Variants in CBFA2T2 observed in about 807,000 individuals in gnomAD.
The protein encoded by CBFA2T2 is CBFA2/RUNX1 partner transcriptional co-repressor 2, also known as protein CBFA2T2.
CBFA2T2 carries 11 observed loss-of-function variants against 62.2 expected under a neutral mutation model. The observed-to-expected ratio is 0.18, with a 90% CI of 0.11 to 0.29. The LOEUF is 0.29. Among genes scored for constraint, CBFA2T2 ranks in the 10% least tolerant of loss-of-function variants. The pLI, the probability that CBFA2T2 is intolerant of heterozygous loss-of-function variation, is 1.00. For missense variants in CBFA2T2, 592 were observed against 774.1 expected, an observed-to-expected ratio of 0.76 and a Z score of 2.79; for synonymous variants, 295 against 287.5, an observed-to-expected ratio of 1.03 and a Z score of -0.27.
At chr20:33,633,122 G>A (rs527243860) in intron 8 of CBFA2T2, among the ~76,000 whole-genome samples, 2 of 151,788 alleles carry the variant, frequency 1.3e-5, no homozygotes, top group Admixed American at 6.6e-5. Context: ...TGTAATCCCC[G>A]CACTTTGGGA....
intron 1 of CBFA2T2, among the ~76,000 whole-genome samples, chr20:33,516,635 G>A (rs944863357): frequency 3.3e-5 from 5 of 152,232 alleles, no homozygotes; most frequent in African/African-American, 1.2e-4. Context: ...ACCATGCCCA[G>A]CCAAGACATT....
chr20:33,515,640 A>G (rs1283466098), intron 1 of CBFA2T2, among the ~76,000 whole-genome samples: 3 of 151,664 alleles, frequency 2.0e-5, no homozygotes, highest in Non-Finnish European at 4.4e-5. Flanking sequence ...TGTCTCTACT[A>G]AAAATACAAA....
chr20:33,504,070 T>G (rs1179498294), intron 1 of CBFA2T2, among the ~76,000 whole-genome samples: 1 of 152,166 alleles, frequency 6.6e-6, no homozygotes. Context: ...TGGGGGTTTT[T>G]GTTTGCTTGT....
intron 1 of CBFA2T2, among the ~76,000 whole-genome samples, chr20:33,508,187 C>T (rs373016508): frequency 1.1e-4 from 17 of 152,142 alleles, no homozygotes; most frequent in African/African-American, 3.1e-4. Context: ...CTCCGCCTCC[C>T]GGGTTTAAGT....
At chr20:33,641,114 G>T (rs1001979559) in intron 10 of CBFA2T2, among the ~76,000 whole-genome samples, 1 of 151,718 alleles carries the variant, frequency 6.6e-6, no homozygotes, top group Non-Finnish European at 1.5e-5. Context: ...CTCACTGCAA[G>T]CTCCACCTCC....
chr20:33,507,197 G>C (rs1241079352), intron 1 of CBFA2T2, among the ~76,000 whole-genome samples: 2 of 152,174 alleles, frequency 1.3e-5, no homozygotes, highest in Non-Finnish European at 2.9e-5. Flanking sequence ...CTTGATTTCA[G>C]ATATTTACTT....
chr20:33,515,752 G>A (rs1431802108), intron 1 of CBFA2T2, among the ~76,000 whole-genome samples: 1 of 120,162 alleles, frequency 8.3e-6, no homozygotes, highest in Non-Finnish European at 1.6e-5. Flanking sequence ...AGTGAGCCGA[G>A]ATTGTGCCAT....
intron 1 of CBFA2T2, among the ~76,000 whole-genome samples, chr20:33,583,775 G>A (rs1433497242): frequency 1.3e-5 from 2 of 151,934 alleles, no homozygotes; most frequent in Non-Finnish European, 2.9e-5. Flanking sequence ...CTGTCCTCTG[G>A]GAGGCCAAGT....
intron 1 of CBFA2T2, among the ~76,000 whole-genome samples, chr20:33,515,050 A>G (rs2011576091): frequency 6.6e-6 from 1 of 150,792 alleles, no homozygotes; most frequent in African/African-American, 2.4e-5. Context: ...AGGAATGTGA[A>G]TTAAGAAGTT....
Position 33,645,771 on chromosome 20 carries a change from A to G in CBFA2T2, c.*1125A>G, listed in dbSNP as rs2017028302. 1 of 152,092 alleles carries G rather than the reference A, an allele frequency of 6.6e-6. No individual in the cohort carries two copies. Among genetic ancestry groups the G allele is most frequent in the Admixed American group, 6.6e-5 (1 of 15,264 alleles). 9.4% of individuals were successfully genotyped at this position (152,092 alleles called of 1,614,324 possible). On this transcript the variant is annotated 3_prime_UTR_variant, in exon 11 of 11. Transcript: ENST00000342704. ...ATAGTTACAGGTCATTATATCTACTATGTTGATTTATCATCAGGCACACAA... is the reference window on the plus strand; with the variant it reads ...ATAGTTACAGGTCATTATATCTACTGTGTTGATTTATCATCAGGCACACAA...
chr20:33,632,225 G>T (rs956809870), intron 8 of CBFA2T2, among the ~76,000 whole-genome samples: 1 of 151,918 alleles, frequency 6.6e-6, no homozygotes, highest in Non-Finnish European at 1.5e-5. Context: ...TGTATTTTTA[G>T]TAGAGATGGG....
chr20:33,570,123 A>C (rs958191435), intron 1 of CBFA2T2, among the ~76,000 whole-genome samples: 2 of 152,192 alleles, frequency 1.3e-5, no homozygotes, highest in African/African-American at 4.8e-5. Flanking sequence ...TACTAAAAAT[A>C]CAAAGAAACT....
rs1289171273 is a variant in CBFA2T2 at position 33,640,501 on chromosome 20, C to T, written c.1458C>T (p.Leu486=). 6.2e-6 allele frequency: 10 copies of T among 1,614,074 alleles called. No homozygotes were observed. Among genetic ancestry groups the T allele is most frequent in the East Asian group, 4.5e-5 (2 of 44,886 alleles). Residue 486 remains leucine, a synonymous_variant, in exon 10 of 11, where the codon CTC becomes CTT. Coordinates refer to ENST00000342704, the MANE Select transcript of CBFA2T2 (RefSeq NM_001032999.3). Reference sequence around the variant, plus strand: ...GGCAGGCCGCAGAGGATGCTTTCCTCGTCATCAATGAGCAAGAGGAGTCCA... The same window carrying T: ...GGCAGGCCGCAGAGGATGCTTTCCTTGTCATCAATGAGCAAGAGGAGTCCA... ...VKRQAAEDAF[L]VINEQEESTE...
chr20:33,633,358 G>A (rs909448781), intron 8 of CBFA2T2, among the ~76,000 whole-genome samples: 14 of 145,174 alleles, frequency 9.6e-5, no homozygotes, highest in African/African-American at 2.4e-4. Flanking sequence ...GCAACACAGT[G>A]AGACTCTGTC....
chr20:33,604,885 C>T (rs541972192), intron 1 of CBFA2T2, among the ~76,000 whole-genome samples: 1 of 152,304 alleles, frequency 6.6e-6, no homozygotes, highest in South Asian at 2.1e-4. Flanking sequence ...CAACTGTTCT[C>T]TGAAGGGCAT....
intron 4 of CBFA2T2, among the ~76,000 whole-genome samples, chr20:33,620,654 A>ATG (rs2015921987): frequency 6.6e-6 from 1 of 152,186 alleles, no homozygotes; most frequent in African/African-American, 2.4e-5. Flanking sequence ...AGCCTGACTA[A>ATG]TGTGGTGAAA....
At chr20:33,557,395 T>C (rs770262796) in intron 1 of CBFA2T2, among the ~76,000 whole-genome samples, 19 of 152,310 alleles carry the variant, frequency 1.2e-4, no homozygotes, top group Non-Finnish European at 2.4e-4. Context: ...AAAATGTAGT[T>C]TAGAAATCAA....
intron 1 of CBFA2T2, among the ~76,000 whole-genome samples, chr20:33,582,690 C>G (rs2014175265): frequency 6.6e-6 from 1 of 151,978 alleles, no homozygotes; most frequent in Non-Finnish European, 1.5e-5. Flanking sequence ...ACCTGTAATC[C>G]CAGCATTTTG....
rs1317443770 is a variant in CBFA2T2 at position 33,606,958 on chromosome 20, G to T, written c.37G>T (p.Gly13Cys). ...GVPGAAAFQL[G>C]PEKRVPAMPG... is the part of the protein sequence containing the mutation. The stretch of plus-strand genomic sequence containing the variant: ...TCCATTTCTCTGATTCTCTGCAGTT[G>T]GTCCTGAGAAAAGGGTGCCAGCGAT... The change falls in exon 2 of 11, where the codon GGT becomes TGT. Residue 13 changes from glycine (G) to cysteine (C), a missense_variant and splice_region_variant. Coordinates refer to ENST00000342704, the MANE Select transcript of CBFA2T2 (RefSeq NM_001032999.3). 6.2e-7 allele frequency: 1 copy of T among 1,613,116 alleles called. No individual in the cohort carries two copies. Among genetic ancestry groups the T allele is most frequent in the East Asian group, 2.2e-5 (1 of 44,860 alleles).
Sources: allele counts gnomAD v4.1 joint callset (sites outside exome capture counted in the v4.1 genomes callset), GRCh38; gene constraint gnomAD v4.1.1; transcripts MANE v1.5; gene names NCBI Gene and HGNC (gene_info 2026-07-23, HGNC 2026-07-21).